The following CACNB2 variants were observed in gnomAD, a reference collection of about 807,000 sequenced individuals.
CACNB2 encodes the protein calcium voltage-gated channel auxiliary subunit beta 2.
CACNB2 carries 42 observed loss-of-function variants against 73.3 expected under a neutral mutation model. That is an observed-to-expected ratio of 0.57 (90% CI 0.45 to 0.74). The LOEUF (loss-of-function observed/expected upper bound fraction) is 0.74. CACNB2 is among the 30% of genes least tolerant of loss of function. CACNB2 has a pLI of 0.00. For synonymous variants in CACNB2, 348 were observed against 310.3 expected (o/e 1.12, Z -1.28); for missense variants, 940 against 853.0 (o/e 1.10, Z -1.27).
intron 3 of CACNB2, among the ~76,000 whole-genome samples, chr10:18,488,045 G>A (rs1437710826): frequency 1.3e-5 from 2 of 151,310 alleles, no homozygotes; most frequent in Non-Finnish European, 2.9e-5. Flanking sequence ...CTGACCTCAG[G>A]TGGTCCGCTT....
chr10:18,178,390 T>C (rs571323942), intron 2 of CACNB2, among the ~76,000 whole-genome samples: 6 of 152,164 alleles, frequency 3.9e-5, no homozygotes, highest in South Asian at 2.1e-4. Context: ...ATTCAAGAAA[T>C]GTTGATTAAA....
In CACNB2 at chr10:18,542,316, G is replaced by T. The variant is rs984540210; in HGVS notation, c.*2592G>T. The T allele has an allele frequency of 2.0e-5, 3 of 152,122 alleles. No homozygotes were observed. The highest frequency in any genetic ancestry group is 7.2e-5 in the African/African-American group (3 of 41,422). The allele number at this position is 152,122 out of a possible 1,614,324, so 9.4% of individuals were successfully genotyped here. On this transcript the variant is annotated 3_prime_UTR_variant, in exon 14 of 14. Coordinates refer to ENST00000324631, the MANE Select transcript of CACNB2 (RefSeq NM_201596.3). ...TTATTTACTGAGTATAAAATCAGTA[G>T]TCATAATAAACTTGACAATTCTTAC...
chr10:18,145,708 A>G (rs1273727515), intron 1 of CACNB2, among the ~76,000 whole-genome samples: 1 of 152,180 alleles, frequency 6.6e-6, no homozygotes, highest in Non-Finnish European at 1.5e-5. Context: ...TCTATCCTAC[A>G]CGTAGTCTAG....
chr10:18,325,967 A>C (rs546054745), intron 2 of CACNB2, among the ~76,000 whole-genome samples: 83 of 151,390 alleles, frequency 5.5e-4, no homozygotes, highest in Middle Eastern at 3.4e-3. Flanking sequence ...CTGGTCTTGA[A>C]CTCCTGGGCT....
intron 2 of CACNB2, among the ~76,000 whole-genome samples, chr10:18,382,123 C>T (rs559695706): frequency 3.0e-4 from 46 of 151,914 alleles, no homozygotes; most frequent in South Asian, 1.0e-3. Context: ...TTCACCTCAC[C>T]GAAGAATGCT....
Position 18,498,364 on chromosome 10 carries a change from G to A in CACNB2, c.343G>A (p.Val115Ile), listed in dbSNP as rs747480172. 2.4e-5 allele frequency: 38 copies of A among 1,613,924 alleles called. No individual in the cohort carries two copies. Among genetic ancestry groups the A allele is most frequent in the African/African-American group, 9.3e-5 (7 of 74,908 alleles). Residue 115 changes from valine (V) to isoleucine (I), a missense_variant, in exon 4 of 14, where the codon GTT (valine) becomes ATT (isoleucine). Physicochemically the swap from Val to Ile is conservative, Grantham distance 29. Transcript: ENST00000324631. ...AQLEKAKTKP[V>I]AFAVRTNVSY... ...CCTTTTCCCACTTTAGACAAAGCCC[G>A]TTGCATTTGCGGTTCGGACAAATGT... is the stretch of plus-strand genomic sequence containing the variant.
chr10:18,161,444 A>G (rs2032450787), intron 2 of CACNB2, among the ~76,000 whole-genome samples: 1 of 152,168 alleles, frequency 6.6e-6, no homozygotes, highest in Non-Finnish European at 1.5e-5. Context: ...GAGTCTGAAC[A>G]CTATGACCCT....
At chr10:18,166,029 A>G (rs1021050851) in intron 2 of CACNB2, among the ~76,000 whole-genome samples, 1 of 152,152 alleles carries the variant, frequency 6.6e-6, no homozygotes, top group Non-Finnish European at 1.5e-5. Context: ...ATATCAATTG[A>G]TCTTATATTC....
chr10:18,369,865 C>A (rs1028475548), intron 2 of CACNB2, among the ~76,000 whole-genome samples: 2 of 152,174 alleles, frequency 1.3e-5, no homozygotes, highest in Non-Finnish European at 1.5e-5. Context: ...CGAGATCATG[C>A]CATTGCACTC....
Position 18,332,297 on chromosome 10 carries a change from G to C in CACNB2, c.214-69627G>C, listed in dbSNP as rs570355728. Among the ~76,000 whole-genome samples, 6 of 152,300 alleles carry C rather than the reference G, an allele frequency of 3.9e-5. No homozygotes were observed. The South Asian group carries it at 1.2e-3, about 32-fold the overall frequency. ...GTGAGAGGTGGCAAGGGTTGGATTT[G>C]CGAAATACTTTGGAGTTAGCATGGA... is the stretch of plus-strand genomic sequence containing the variant. On this transcript the variant is annotated intron_variant, in intron 2 of 13. Transcript: ENST00000324631.
At chr10:18,201,992 A>C (rs1437579729) in intron 2 of CACNB2, among the ~76,000 whole-genome samples, 3 of 152,226 alleles carry the variant, frequency 2.0e-5, no homozygotes, top group Non-Finnish European at 2.9e-5. Flanking sequence ...ATCTTTCATT[A>C]TGTAGCCAGG....
At chr10:18,235,189 A>T (rs949919961) in intron 2 of CACNB2, among the ~76,000 whole-genome samples, 1 of 150,082 alleles carries the variant, frequency 6.7e-6, no homozygotes, top group African/African-American at 2.5e-5. Context: ...GCAGTGGCTT[A>T]TGCCTGTAAT....
At chr10:18,142,945 C>T (rs1408657880) in intron 1 of CACNB2, among the ~76,000 whole-genome samples, 2 of 152,130 alleles carry the variant, frequency 1.3e-5, no homozygotes, top group African/African-American at 4.8e-5. Flanking sequence ...GATGAGGTGG[C>T]ATTTGCAAAG....
chr10:18,474,779 C>G (rs534711512), intron 3 of CACNB2, among the ~76,000 whole-genome samples: 2 of 152,036 alleles, frequency 1.3e-5, no homozygotes, highest in Admixed American at 6.6e-5. Flanking sequence ...GTTTTCCCCC[C>G]CAACAGCAAG....
chr10:18,462,466 C>T (rs1003321540), intron 3 of CACNB2, among the ~76,000 whole-genome samples: 2 of 152,144 alleles, frequency 1.3e-5, no homozygotes, highest in Non-Finnish European at 2.9e-5. Flanking sequence ...GTTGCCCAGG[C>T]TGGCCTCATA....
At chr10:18,259,403 T>TA (rs894984274) in intron 2 of CACNB2, among the ~76,000 whole-genome samples, 1 of 151,540 alleles carries the variant, frequency 6.6e-6, no homozygotes. Context: ...CCTGTCTCTA[T>TA]AAAAAAATTT....
At chr10:18,418,453 A>G (rs1051721701) in intron 3 of CACNB2, among the ~76,000 whole-genome samples, 6 of 152,256 alleles carry the variant, frequency 3.9e-5, no homozygotes, top group Admixed American at 3.9e-4. Flanking sequence ...CAAACTAAAT[A>G]TGGCCTGAGA....
intron 2 of CACNB2, among the ~76,000 whole-genome samples, chr10:18,256,413 G>T (rs1306433643): frequency 1.3e-5 from 2 of 152,172 alleles, no homozygotes; most frequent in East Asian, 3.9e-4. Flanking sequence ...TAAAACAACA[G>T]ATATTTTCAC....
In CACNB2 at chr10:18,518,432, C is replaced by T. The variant is rs749468128; in HGVS notation, c.885+16C>T. The T allele has an allele frequency of 1.3e-6, 2 of 1,534,840 alleles. No homozygotes were observed. Among genetic ancestry groups the T allele is most frequent in the Admixed American group, 3.3e-5 (2 of 59,904 alleles). ...GGGCTACGAGGTGGGTAGCAGCCTTCCACAGGAAGCTTAACTTGCATGCTG... is the reference window on the plus strand; with the variant it reads ...GGGCTACGAGGTGGGTAGCAGCCTTTCACAGGAAGCTTAACTTGCATGCTG... On this transcript the variant is annotated intron_variant, in intron 8 of 13. Transcript: ENST00000324631.
Sources: allele counts gnomAD v4.1 joint callset (sites outside exome capture counted in the v4.1 genomes callset), GRCh38; gene constraint gnomAD v4.1.1; transcripts MANE v1.5; gene names NCBI Gene and HGNC (gene_info 2026-07-23, HGNC 2026-07-21).